Variants in PALS2 observed in about 807,000 individuals in gnomAD.
The protein encoded by PALS2 is protein PALS2.
A neutral mutation model predicts 61.6 loss-of-function variants in PALS2; 27 were observed. That is an observed-to-expected ratio of 0.44 (90% CI 0.32 to 0.60). PALS2 has a LOEUF of 0.60. Ranked by LOEUF, PALS2 falls within the 20% of genes least tolerant of loss-of-function variation. The probability of loss-of-function intolerance (pLI) is 0.05; values close to 1 mark genes in which losing one functional copy is unlikely to be tolerated. For missense variants in PALS2, 554 were observed against 639.4 expected (o/e 0.87, Z 1.44); for synonymous variants, 236 against 218.6 (o/e 1.08, Z -0.70).
At chr7:24,588,058 C>T (rs1358912738) in intron 1 of PALS2, among the ~76,000 whole-genome samples, 1 of 152,004 alleles carries the variant, frequency 6.6e-6, no homozygotes, top group Admixed American at 6.6e-5. Flanking sequence ...TGGGTAGAGG[C>T]CAGGGTTGTT....
At chr7:24,590,944 T>G (rs924998486) in intron 1 of PALS2, among the ~76,000 whole-genome samples, 1 of 152,200 alleles carries the variant, frequency 6.6e-6, no homozygotes, top group Admixed American at 6.5e-5. Flanking sequence ...GTACCTTCTT[T>G]GCCAAACCAG....
intron 1 of PALS2, among the ~76,000 whole-genome samples, chr7:24,603,812 G>GT (rs1783799034): frequency 2.6e-5 from 4 of 152,164 alleles, no homozygotes; most frequent in Admixed American, 1.3e-4. Context: ...AGATTCTGCA[G>GT]TTTAAGTCTA....
intron 1 of PALS2, among the ~76,000 whole-genome samples, chr7:24,604,783 A>G (rs1442759628): frequency 6.6e-6 from 1 of 152,142 alleles, no homozygotes; most frequent in African/African-American, 2.4e-5. Flanking sequence ...CACCTCCCCA[A>G]AGACTCCACC....
At chr7:24,672,642 G>A (rs1787358895) in intron 9 of PALS2, among the ~76,000 whole-genome samples, 1 of 152,044 alleles carries the variant, frequency 6.6e-6, no homozygotes, top group Non-Finnish European at 1.5e-5. Context: ...ATTTATTCCT[G>A]AGTATTTTTT....
chr7:24,607,211 A>C (rs12056164), intron 1 of PALS2, among the ~76,000 whole-genome samples: 21,027 of 152,164 alleles, frequency 0.14, 1,957 homozygotes, highest in East Asian at 0.48. Context: ...ATAATTCAGA[A>C]TTTAGTTTTT....
At chr7:24,580,733 T>G (rs1782810005) in intron 1 of PALS2, among the ~76,000 whole-genome samples, 1 of 152,262 alleles carries the variant, frequency 6.6e-6, no homozygotes, top group Non-Finnish European at 1.5e-5. Flanking sequence ...CACATGAGCC[T>G]TGAACAAATA....
chr7:24,618,523 G>A lies in PALS2; in HGVS notation c.-2-5143G>A, dbSNP rs1228461592. ...ACAAGGGAGTAAGTGCAGATCTTGT[G>A]CTCCCAGTCTGGGGGAATACAGCTG... is the stretch of plus-strand genomic sequence containing the variant. On this transcript the variant is annotated intron_variant, in intron 1 of 11. Coordinates refer to ENST00000222644, the MANE Select transcript of PALS2 (RefSeq NM_001303037.2). The surrounding 1 kb of genome is among the most constrained non-coding windows in gnomAD (Gnocchi z 5.1). Among the ~76,000 whole-genome samples, 13 of 152,194 alleles carry A rather than the reference G, an allele frequency of 8.5e-5. No homozygotes were observed. Among genetic ancestry groups the A allele is most frequent in the Admixed American group, 8.5e-4 (13 of 15,286 alleles).
intron 1 of PALS2, among the ~76,000 whole-genome samples, chr7:24,607,687 GTA>G (rs1323586620): frequency 2.6e-5 from 4 of 151,690 alleles, no homozygotes; most frequent in Admixed American, 2.0e-4. Flanking sequence ...ATATGTGTGT[GTA>G]TGTGTATTTG....
chr7:24,656,017 A>G (rs1447467061), intron 5 of PALS2, among the ~76,000 whole-genome samples: 3 of 152,296 alleles, frequency 2.0e-5, no homozygotes, highest in East Asian at 1.9e-4. Flanking sequence ...CCAAGTTCGT[A>G]CACTGAAAAT....
intron 2 of PALS2, among the ~76,000 whole-genome samples, chr7:24,629,376 A>G (rs1001088937): frequency 1.3e-5 from 2 of 152,232 alleles, no homozygotes; most frequent in Non-Finnish European, 2.9e-5. Context: ...ACCTAAGACC[A>G]TAAAAACCCT....
intron 1 of PALS2, among the ~76,000 whole-genome samples, chr7:24,593,503 A>G (rs1783379041): frequency 6.6e-6 from 1 of 152,144 alleles, no homozygotes; most frequent in Non-Finnish European, 1.5e-5. Flanking sequence ...ATCACTATCT[A>G]TGGCAGCTAT....
chr7:24,644,328 A>G (rs1785721199), intron 3 of PALS2, among the ~76,000 whole-genome samples: 1 of 151,864 alleles, frequency 6.6e-6, no homozygotes, highest in African/African-American at 2.4e-5. Flanking sequence ...CTTACCATTT[A>G]GCTCCCACTT....
intron 2 of PALS2, among the ~76,000 whole-genome samples, chr7:24,637,203 A>G (rs1307873927): frequency 2.6e-5 from 4 of 151,414 alleles, no homozygotes; most frequent in Non-Finnish European, 4.4e-5. Context: ...AACTTATCTA[A>G]TCTCGGAATT....
intron 1 of PALS2, chr7:24,589,322 C>G (rs998403081): frequency 1.3e-5 from 2 of 152,134 alleles, no homozygotes; most frequent in African/African-American, 4.8e-5. Context: ...GGAGCTGTAC[C>G]ACTGAACCAT....
intron 4 of PALS2, among the ~76,000 whole-genome samples, chr7:24,650,210 A>G (rs1163350289): frequency 6.6e-6 from 1 of 152,154 alleles, no homozygotes; most frequent in Non-Finnish European, 1.5e-5. Context: ...GCAAAAAAGG[A>G]AAAGCCAGGA....
At chr7:24,684,039 TC>T (rs1433030234) in intron 11 of PALS2, among the ~76,000 whole-genome samples, 2 of 152,034 alleles carry the variant, frequency 1.3e-5, no homozygotes, top group Admixed American at 6.6e-5. Flanking sequence ...CTGTGAACAG[TC>T]CCCCCAACTG....
At chr7:24,602,722 G>A (rs1390082964) in intron 1 of PALS2, among the ~76,000 whole-genome samples, 1 of 152,104 alleles carries the variant, frequency 6.6e-6, no homozygotes, top group Non-Finnish European at 1.5e-5. Flanking sequence ...GTTCTGTGTA[G>A]TGGAGGAAGG....
chr7:24,593,918 G>T (rs898321349), intron 1 of PALS2, among the ~76,000 whole-genome samples: 8 of 152,096 alleles, frequency 5.3e-5, no homozygotes, highest in African/African-American at 1.9e-4. Flanking sequence ...GAGTCAGACT[G>T]TCCTTTCAAG....
At chr7:24,601,389 A>G (rs909710056) in intron 1 of PALS2, among the ~76,000 whole-genome samples, 9 of 152,116 alleles carry the variant, frequency 5.9e-5, no homozygotes, top group Non-Finnish European at 7.4e-5. Flanking sequence ...TGTTTTCAAA[A>G]TCAACTTTCA....
Sources: gnomAD v4.1 joint callset for allele counts (sites outside exome capture counted in the v4.1 genomes callset) on GRCh38, gnomAD v4.1.1 for gene constraint, Gnocchi (gnomAD v3.1) non-coding constraint, MANE v1.5 for transcripts, NCBI Gene and HGNC (gene_info 2026-07-23, HGNC 2026-07-21) for gene names.